C14orf39: variants seen among roughly 807,000 people sequenced by gnomAD.
C14orf39 encodes chromosome 14 open reading frame 39, also known as protein SIX6OS1.
In C14orf39, 66 loss-of-function variants were observed where a neutral mutation model predicts 85.6. The ratio of observed to expected loss-of-function variants is 0.77; its 90% CI spans 0.63 to 0.95. The LOEUF (loss-of-function observed/expected upper bound fraction) is 0.95. Among genes scored for constraint, C14orf39 ranks in the 40% least tolerant of loss-of-function variants. The pLI, the probability that C14orf39 is intolerant of heterozygous loss-of-function variation, is 0.00. For synonymous variants in C14orf39, 242 were observed against 214.0 expected (o/e 1.13, Z -1.14); for missense variants, 735 against 663.9 (o/e 1.11, Z -1.18).
chr14:60,438,306 C>T (rs1439855180), intron 17 of C14orf39, among the ~76,000 whole-genome samples: 2 of 152,138 alleles, frequency 1.3e-5, no homozygotes, highest in East Asian at 3.9e-4. Flanking sequence ...GTGTTCTTCC[C>T]CTCTCCCTTT....
chr14:60,510,342 C>A (rs907961187), intron 1 of C14orf39, among the ~76,000 whole-genome samples: 26 of 152,344 alleles, frequency 1.7e-4, no homozygotes, highest in African/African-American at 5.1e-4. Flanking sequence ...TAATCGAAGC[C>A]TGGCTTATTA....
intron 1 of C14orf39, among the ~76,000 whole-genome samples, chr14:60,485,671 C>G (rs1892851743): frequency 6.6e-6 from 1 of 152,170 alleles, no homozygotes; most frequent in Admixed American, 6.5e-5. Context: ...CCAGGAACCA[C>G]AGCCCGTGCG....
intron 2 of C14orf39, among the ~76,000 whole-genome samples, chr14:60,498,429 A>T (rs1893098159): frequency 6.6e-6 from 1 of 152,200 alleles, no homozygotes; most frequent in Non-Finnish European, 1.5e-5. Flanking sequence ...AGGATTAGGG[A>T]GATATAGGAA....
intron 1 of C14orf39, chr14:60,512,162 T>C (rs1893304785): frequency 1.3e-5 from 2 of 152,234 alleles, no homozygotes; most frequent in South Asian, 4.1e-4. Flanking sequence ...AATTATGGCT[T>C]GTCCACTTGA....
chr14:60,471,056 TGAATGAATAAATGTA>T (rs1452978070), intron 7 of C14orf39, among the ~76,000 whole-genome samples: 5 of 151,940 alleles, frequency 3.3e-5, no homozygotes, highest in Non-Finnish European at 7.4e-5. Context: ...TTTCCAGTGA[TGAATGAATAAATGTA>T]ACTCACCTCC....
rs886050563 is a variant in C14orf39 at position 60,511,118 on chromosome 14, C to T, written c.-144+4277G>A. 1.9e-6 allele frequency: 3 copies of T among 1,612,752 alleles called. No individual in the cohort carries two copies. Among genetic ancestry groups the T allele is most frequent in the Non-Finnish European group, 2.5e-6 (3 of 1,179,822 alleles). On this transcript the variant is annotated intron_variant, in intron 1 of 5. Transcript: ENST00000556799. ...GCAGGTCCTGTCACAGGGTTCCGGG[C>T]GGGCACTACGGGCGGAGGGCGACGG...
chr14:60,440,514 A>G (rs1595437297), intron 17 of C14orf39, among the ~76,000 whole-genome samples: 3 of 152,256 alleles, frequency 2.0e-5, no homozygotes, highest in East Asian at 1.9e-4. Flanking sequence ...TTCTACTACT[A>G]CTACTCATCA....
Position 60,474,243 on chromosome 14 carries a change from T to C in C14orf39, c.324-2504A>G, listed in dbSNP as rs555897117. Among the ~76,000 whole-genome samples, 5 of 152,342 alleles carry C rather than the reference T, an allele frequency of 3.3e-5. No homozygotes were observed. The East Asian group carries it at 5.8e-4, about 18-fold the overall frequency. On this transcript the variant is annotated intron_variant, in intron 5 of 17. Coordinates refer to ENST00000321731, the MANE Select transcript of C14orf39 (RefSeq NM_174978.3). ...TAAGAATGCTTGTGATTTTTGCACATTGATTTTGTATCCTGAGACTTTGCT... is the reference window on the plus strand; with the variant it reads ...TAAGAATGCTTGTGATTTTTGCACACTGATTTTGTATCCTGAGACTTTGCT...
chr14:60,458,051 T>C (rs1377022630), intron 14 of C14orf39, among the ~76,000 whole-genome samples: 1 of 152,004 alleles, frequency 6.6e-6, no homozygotes, highest in Non-Finnish European at 1.5e-5. Flanking sequence ...AACACATTCA[T>C]GTAATTTGTA....
chr14:60,507,518 T>C (rs1370710709), intron 1 of C14orf39, among the ~76,000 whole-genome samples: 1 of 152,230 alleles, frequency 6.6e-6, no homozygotes, highest in Non-Finnish European at 1.5e-5. Flanking sequence ...AGCCTCTCCG[T>C]TGAGGCGGTT....
At chr14:60,514,149 C>A (rs778928088) in intron 1 of C14orf39, among the ~76,000 whole-genome samples, 5 of 152,124 alleles carry the variant, frequency 3.3e-5, no homozygotes, top group African/African-American at 9.7e-5. Context: ...TTATTTTAAT[C>A]TTTCCAATCT....
chr14:60,498,824 T>A (rs1893102343), intron 2 of C14orf39, among the ~76,000 whole-genome samples: 1 of 152,186 alleles, frequency 6.6e-6, no homozygotes, highest in African/African-American at 2.4e-5. Flanking sequence ...ATGTAATTTA[T>A]CACAAATTAG....
intron 2 of C14orf39, among the ~76,000 whole-genome samples, chr14:60,497,901 A>C (rs1199806673): frequency 1.3e-5 from 2 of 152,074 alleles, no homozygotes; most frequent in East Asian, 3.8e-4. Context: ...GAAAAAAGAA[A>C]AAAAGAGAAA....
chr14:60,439,143 C>A (rs929929536), intron 17 of C14orf39, among the ~76,000 whole-genome samples: 1 of 152,124 alleles, frequency 6.6e-6, no homozygotes, highest in Non-Finnish European at 1.5e-5. Context: ...ACATTGTATG[C>A]AGGTATCAAA....
chr14:60,460,859 A>G (rs971922928), intron 13 of C14orf39, among the ~76,000 whole-genome samples: 10 of 151,830 alleles, frequency 6.6e-5, no homozygotes. Flanking sequence ...AAGAATATAG[A>G]GGCATTATTT....
In C14orf39 at chr14:60,504,366, T is replaced by C. The variant is rs560188413; in HGVS notation, c.-143-4936A>G. On this transcript the variant is annotated intron_variant, in intron 1 of 5. Coordinates refer to the C14orf39 transcript ENST00000556799. The stretch of plus-strand genomic sequence containing the variant: ...AACAGTTGATACAATGTATGACACA[T>C]ACAGTTTAATGTGAATAATATTTGG... Among the ~76,000 whole-genome samples the C allele has an allele frequency of 3.3e-5, 5 of 152,338 alleles. No individual in the cohort carries two copies. The South Asian group carries it at 1.0e-3, about 32-fold the overall frequency.
chr14:60,465,951 T>C, intron 11 of C14orf39, 28 bp downstream of exon 11: 1 of 1,287,762 alleles, frequency 7.8e-7, no homozygotes, highest in Non-Finnish European at 1.1e-6. Context: ...AGGTATTTAA[T>C]TTATACTACT....
chr14:60,471,861 C>T, intron 5 of C14orf39, 122 bp from the exon 6 acceptor site: 1 of 595,304 alleles, frequency 1.7e-6, no homozygotes, highest in East Asian at 3.0e-5. Flanking sequence ...TCTTGCTTCC[C>T]TCAATATTGT....
upstream of C14orf39, among the ~76,000 whole-genome samples, chr14:60,488,526 A>G (rs1368594465): frequency 6.6e-6 from 1 of 152,186 alleles, no homozygotes; most frequent in African/African-American, 2.4e-5. Context: ...GTACTCCCAC[A>G]AGATAAAATT....
Sources: allele counts gnomAD v4.1 joint callset (sites outside exome capture counted in the v4.1 genomes callset), GRCh38; gene constraint gnomAD v4.1.1; transcripts MANE v1.5; gene names NCBI Gene and HGNC (gene_info 2026-07-23, HGNC 2026-07-21).